The following RBFOX3 variants were observed in gnomAD, a reference collection of about 807,000 sequenced individuals.
RBFOX3 encodes RNA binding protein fox-1 homolog 3.
In RBFOX3, 17 loss-of-function variants were observed where a neutral mutation model predicts 48.7. The observed-to-expected ratio is 0.35, with a 90% CI of 0.24 to 0.52. The LOEUF (loss-of-function observed/expected upper bound fraction) is 0.52, where lower values mean the gene tolerates loss of function less well. RBFOX3 is among the 20% of genes least tolerant of loss of function. The pLI is 0.94. For missense variants in RBFOX3, 382 were observed against 497.5 expected (o/e 0.77, Z 2.21); for synonymous variants, 212 against 209.5 (o/e 1.01, Z -0.10).
At chr17:79,196,004 TC>T (rs1487444087) in intron 4 of RBFOX3, among the ~76,000 whole-genome samples, 1 of 152,126 alleles carries the variant, frequency 6.6e-6, no homozygotes, top group Non-Finnish European at 1.5e-5. Flanking sequence ...CAGAGCACCC[TC>T]AGCCTCATGC....
At chr17:79,281,815 G>C (rs1040596775) in intron 3 of RBFOX3, among the ~76,000 whole-genome samples, 11 of 152,160 alleles carry the variant, frequency 7.2e-5, no homozygotes, top group African/African-American at 2.7e-4. Flanking sequence ...GTAAATATAT[G>C]CATGATCTTG....
intron 2 of RBFOX3, among the ~76,000 whole-genome samples, chr17:79,318,611 T>C (rs1047998126): frequency 3.9e-5 from 6 of 151,950 alleles, no homozygotes; most frequent in South Asian, 2.1e-4. Context: ...TCCCAGCACA[T>C]TGGGAGGCTG....
chr17:79,091,908 C>T, intron 14 of RBFOX3: 1 of 959,730 alleles, frequency 1.0e-6, no homozygotes, highest in Non-Finnish European at 1.2e-6. Flanking sequence ...CAGCAGTTTG[C>T]ACACCACGCG....
At chr17:79,487,058 G>C (rs1227695355) in intron 1 of RBFOX3, among the ~76,000 whole-genome samples, 3 of 152,222 alleles carry the variant, frequency 2.0e-5, no homozygotes, top group African/African-American at 7.2e-5. Flanking sequence ...GGGAGAGGGA[G>C]GTAGCAGAAG....
upstream of RBFOX3, among the ~76,000 whole-genome samples, chr17:79,614,419 C>T (rs1456263803): frequency 6.6e-6 from 1 of 152,176 alleles, no homozygotes; most frequent in Admixed American, 6.5e-5. Context: ...GAAGATAGAG[C>T]TTTGCTGCTT....
intron 2 of RBFOX3, among the ~76,000 whole-genome samples, chr17:79,309,029 C>T (rs1294705594): frequency 6.6e-6 from 1 of 151,610 alleles, no homozygotes; most frequent in Admixed American, 6.6e-5. Context: ...ATTGCTTGAA[C>T]CTGGGAGGCA....
intron 3 of RBFOX3, among the ~76,000 whole-genome samples, chr17:79,294,171 G>A (rs2073930989): frequency 3.3e-5 from 5 of 152,246 alleles, no homozygotes; most frequent in Admixed American, 6.5e-5. Flanking sequence ...ACAAGCCGCT[G>A]CTCTTCCCTA....
intron 2 of RBFOX3, among the ~76,000 whole-genome samples, chr17:79,343,130 C>G (rs2082359103): frequency 6.6e-6 from 1 of 152,188 alleles, no homozygotes; most frequent in Admixed American, 6.5e-5. Context: ...TTCACTGTGA[C>G]TTGTCCTTTA....
At position 79,356,348 on chromosome 17, in the gene RBFOX3, G is replaced by GTTTTTTTTTTTTTTTTT. The variant is rs58040659; in HGVS notation, c.-174-48541_-174-48525dup. On this transcript the variant is annotated intron_variant, in intron 2 of 14. Coordinates refer to ENST00000693108, the MANE Select transcript of RBFOX3 (RefSeq NM_001350451.2). ...ACTTTTTCACTTTTAAAACAGGGAA[G>GTTTTTTTTTTTTTTTTT]TTTTTTTTTTTTTTTTTTTTTTTTT... Among the ~76,000 whole-genome samples, 37 of 47,328 alleles carry GTTTTTTTTTTTTTTTTT rather than the reference G, an allele frequency of 7.8e-4. 4 individuals carry two copies. The highest frequency in any genetic ancestry group is 2.7e-3 in the South Asian group (3 of 1,106). 31.0% of individuals were successfully genotyped at this position (47,328 alleles called of 152,430 possible).
chr17:79,373,492 C>A (rs893735075), intron 2 of RBFOX3, among the ~76,000 whole-genome samples: 23 of 152,194 alleles, frequency 1.5e-4, no homozygotes, highest in Admixed American at 5.2e-4. Context: ...AATCCTTTCT[C>A]CAAAGTGCTC....
chr17:79,366,557 A>G (rs1031762172), intron 2 of RBFOX3, among the ~76,000 whole-genome samples: 1 of 152,182 alleles, frequency 6.6e-6, no homozygotes, highest in Admixed American at 6.5e-5. Context: ...ACCACTTCCC[A>G]GCTCCTGCTG....
chr17:79,632,274 G>A, the RBFOX3 span, among the ~76,000 whole-genome samples: 1 of 152,144 alleles, frequency 6.6e-6, no homozygotes, highest in South Asian at 2.1e-4. Context: ...GTCTGCATTA[G>A]GAGGATCCGT....
intron 2 of RBFOX3, among the ~76,000 whole-genome samples, chr17:79,428,268 G>C (rs565360303): frequency 3.3e-5 from 5 of 152,336 alleles, no homozygotes; most frequent in Admixed American, 6.5e-5. Flanking sequence ...CGGAGCCCCT[G>C]CAGTGAGGGG....
rs1189648535 is a variant in RBFOX3, at chr17:79,222,188, G to A, written c.-34+13578C>T. Among the ~76,000 whole-genome samples, 7 of 152,164 alleles carry A rather than the reference G, an allele frequency of 4.6e-5. No individual in the cohort carries two copies. The East Asian group carries it at 1.4e-3, about 29-fold the overall frequency. ...ACCTGCAGCCTGATTTCTACCTGCA[G>A]CCTGATTTCTACCGGCAGCCTGATT... On this transcript the variant is annotated intron_variant, in intron 4 of 14. Transcript: ENST00000693108.
chr17:79,294,086 G>A (rs1233980579), intron 3 of RBFOX3, among the ~76,000 whole-genome samples: 1 of 152,186 alleles, frequency 6.6e-6, no homozygotes, highest in East Asian at 1.9e-4. Flanking sequence ...AGCCTACTAT[G>A]CTCTTCAACT....
Position 79,366,268 on chromosome 17 carries a change from T to C in RBFOX3, c.-174-58444A>G, listed in dbSNP as rs562291691. ...AGACGATCAGGCATCTCGGGCACCA[T>C]CACTGGTAAAGGGGCTGCTTTCTGT... On this transcript the variant is annotated intron_variant, in intron 2 of 14. Coordinates refer to ENST00000693108, the MANE Select transcript of RBFOX3 (RefSeq NM_001350451.2). Among the ~76,000 whole-genome samples the C allele has an allele frequency of 1.2e-4, 19 of 152,328 alleles. No individual in the cohort carries two copies. The East Asian group carries it at 3.5e-3, about 28-fold the overall frequency.
At chr17:79,456,041 C>T (rs963323668) in intron 2 of RBFOX3, among the ~76,000 whole-genome samples, 76 of 131,362 alleles carry the variant, frequency 5.8e-4, no homozygotes, top group Non-Finnish European at 1.2e-3. Context: ...CAGGTCCCAC[C>T]CCAAGCCTTA....
Position 79,391,865 on chromosome 17 carries a change from A to G in RBFOX3, c.-174-84041T>C, listed in dbSNP as rs2061410085. ...ATCCTCGGTTTCCGAATCTGTTAAA[A>G]AAAAAAGGCTCCAGGCTGGACAAGC... On this transcript the variant is annotated intron_variant, in intron 2 of 14. Transcript: ENST00000693108. This position sits in a 1 kb window ranked among gnomAD's most constrained non-coding sequence, Gnocchi z 5.0. Among the ~76,000 whole-genome samples, 1 of 152,044 alleles carries G rather than the reference A, an allele frequency of 6.6e-6. No individual in the cohort carries two copies. Among genetic ancestry groups the G allele is most frequent in the Non-Finnish European group, 1.5e-5 (1 of 67,990 alleles).
intron 4 of RBFOX3, among the ~76,000 whole-genome samples, chr17:79,211,246 G>A (rs376852129): frequency 5.9e-5 from 9 of 152,296 alleles, no homozygotes; most frequent in Admixed American, 1.3e-4. Context: ...GGCTTCCGTC[G>A]TGGGGAGGCA....
Sources: allele counts gnomAD v4.1 joint callset (sites outside exome capture counted in the v4.1 genomes callset), GRCh38; gene constraint gnomAD v4.1.1; non-coding constraint Gnocchi (gnomAD v3.1); transcripts MANE v1.5; gene names NCBI Gene and HGNC (gene_info 2026-07-23, HGNC 2026-07-21).